The following TAFA2 variants were observed in gnomAD, a reference collection of about 807,000 sequenced individuals.
TAFA2 encodes TAFA chemokine like family member 2.
A neutral mutation model predicts 18.8 loss-of-function variants in TAFA2; 7 were observed. The ratio of observed to expected loss-of-function variants is 0.37; its 90% confidence interval spans 0.21 to 0.70. The LOEUF is 0.70. TAFA2 is among the 30% of genes least tolerant of loss of function. TAFA2 has a pLI of 0.53. For missense variants in TAFA2, 122 were observed against 158.1 expected (o/e 0.77, Z 1.23); for synonymous variants, 60 against 54.2 (o/e 1.11, Z -0.47).
upstream of TAFA2, among the ~76,000 whole-genome samples, chr12:62,193,120 T>C (rs2062634459): frequency 6.6e-6 from 1 of 152,180 alleles, no homozygotes; most frequent in Non-Finnish European, 1.5e-5. Flanking sequence ...GCGCTGTGCA[T>C]ATGAGCTCAA....
chr12:62,110,615 T>TG (rs980475602), intron 1 of TAFA2, among the ~76,000 whole-genome samples: 1 of 147,152 alleles, frequency 6.8e-6, no homozygotes, highest in African/African-American at 2.5e-5. Flanking sequence ...TCCTGGGCTT[T>TG]TTTTTTTTTT....
chr12:62,089,787 T>C (rs769449135), intron 1 of TAFA2, among the ~76,000 whole-genome samples: 5 of 152,080 alleles, frequency 3.3e-5, no homozygotes, highest in Non-Finnish European at 7.4e-5. Context: ...AAGCCCACTA[T>C]TTCTTCAGGT....
intron 2 of TAFA2, among the ~76,000 whole-genome samples, chr12:61,763,927 G>A (rs750565843): frequency 1.3e-5 from 2 of 151,114 alleles, no homozygotes; most frequent in Non-Finnish European, 2.9e-5. Context: ...CTTTTTTTTC[G>A]TGAGGTAACT....
chr12:62,064,985 A>T, intron 1 of TAFA2, among the ~76,000 whole-genome samples: 1 of 151,996 alleles, frequency 6.6e-6, no homozygotes, highest in East Asian at 1.9e-4. Flanking sequence ...TTACTATTTT[A>T]ACTGACAATA....
chr12:62,169,660 G>A (rs2062463518), intron 1 of TAFA2, among the ~76,000 whole-genome samples: 1 of 151,924 alleles, frequency 6.6e-6, no homozygotes, highest in Non-Finnish European at 1.5e-5. Flanking sequence ...GACCATCCTG[G>A]CTAATGCAGT....
chr12:62,089,403 G>A (rs896079275), intron 1 of TAFA2, among the ~76,000 whole-genome samples: 4 of 151,930 alleles, frequency 2.6e-5, no homozygotes, highest in African/African-American at 4.8e-5. Flanking sequence ...CTATGATTTC[G>A]AATATTACCC....
intron 1 of TAFA2, chr12:61,878,153 A>G: frequency 2.2e-6 from 1 of 450,022 alleles, no homozygotes; most frequent in Non-Finnish European, 4.4e-6. Flanking sequence ...GAAGGGAGGG[A>G]GAAATAGAGA....
intron 1 of TAFA2, among the ~76,000 whole-genome samples, chr12:61,894,086 A>C (rs1056292385): frequency 6.6e-6 from 1 of 151,640 alleles, no homozygotes; most frequent in Non-Finnish European, 1.5e-5. Context: ...CTTTCTCAGC[A>C]TGTTTACTAC....
intron 1 of TAFA2, among the ~76,000 whole-genome samples, chr12:62,241,876 C>T (rs2062864536): frequency 6.6e-6 from 1 of 152,032 alleles, no homozygotes. Flanking sequence ...TATTGAATAC[C>T]CACTTACACA....
chr12:62,178,251 G>A (rs2062527449), intron 1 of TAFA2, among the ~76,000 whole-genome samples: 1 of 152,174 alleles, frequency 6.6e-6, no homozygotes. Context: ...AGTCAGCTAT[G>A]ATTGTACCTC....
intron 1 of TAFA2, among the ~76,000 whole-genome samples, chr12:62,094,657 C>G (rs1191090977): frequency 6.6e-6 from 1 of 151,934 alleles, no homozygotes; most frequent in African/African-American, 2.4e-5. Context: ...TACTCTATTT[C>G]AGATACTTCT....
chr12:61,940,091 G>A (rs1034486106), intron 1 of TAFA2, among the ~76,000 whole-genome samples: 1 of 152,130 alleles, frequency 6.6e-6, no homozygotes, highest in South Asian at 2.1e-4. Flanking sequence ...ATATAACAGA[G>A]AACAGAACAG....
chr12:61,726,013 C>A (rs1870148127), intron 4 of TAFA2, among the ~76,000 whole-genome samples: 1 of 120,760 alleles, frequency 8.3e-6, no homozygotes, highest in Non-Finnish European at 1.9e-5. Flanking sequence ...AGAAGAGTTT[C>A]TTTTTTCTTT....
chr12:61,972,038 A>C (rs1047329006), intron 1 of TAFA2, among the ~76,000 whole-genome samples: 2 of 151,420 alleles, frequency 1.3e-5, no homozygotes, highest in African/African-American at 4.8e-5. Context: ...CTCTTGAATA[A>C]ATGATTTTTG....
At chr12:61,927,200 A>G (rs1024122529) in intron 1 of TAFA2, among the ~76,000 whole-genome samples, 8 of 152,168 alleles carry the variant, frequency 5.3e-5, no homozygotes, top group East Asian at 3.8e-4. Flanking sequence ...AGCGTATTCA[A>G]ATAGGAAGAG....
At chr12:62,239,153 C>T (rs962290267) in intron 1 of TAFA2, among the ~76,000 whole-genome samples, 1 of 152,138 alleles carries the variant, frequency 6.6e-6, no homozygotes, top group Non-Finnish European at 1.5e-5. Context: ...CCTGACTGTT[C>T]AATCTATAGT....
intron 2 of TAFA2, among the ~76,000 whole-genome samples, chr12:61,766,153 T>C (rs1014073387): frequency 6.6e-6 from 1 of 152,116 alleles, no homozygotes; most frequent in African/African-American, 2.4e-5. Flanking sequence ...CTTACTTCCC[T>C]ATACACACAT....
intron 2 of TAFA2, among the ~76,000 whole-genome samples, chr12:61,766,124 T>C (rs1010550204): frequency 6.6e-6 from 1 of 152,098 alleles, no homozygotes; most frequent in Non-Finnish European, 1.5e-5. Context: ...AGCCTGTGAC[T>C]TATTTCCCTA....
At chr12:61,857,771 TC>T (rs1254127481) in intron 2 of TAFA2, among the ~76,000 whole-genome samples, 9 of 135,522 alleles carry the variant, frequency 6.6e-5, no homozygotes, top group South Asian at 2.5e-4. Flanking sequence ...CCCCTCCTTC[TC>T]CTGCACCTCC....
Sources: gnomAD v4.1 joint callset for allele counts (sites outside exome capture counted in the v4.1 genomes callset) on GRCh38, gnomAD v4.1.1 for gene constraint, MANE v1.5 for transcripts, NCBI Gene and HGNC (gene_info 2026-07-23, HGNC 2026-07-21) for gene names.